CDH4: variants seen among roughly 807,000 people sequenced by gnomAD.
CDH4 encodes cadherin 4.
CDH4 carries 33 observed loss-of-function variants against 86.0 expected under a neutral mutation model. The ratio of observed to expected loss-of-function variants is 0.38; its 90% CI spans 0.29 to 0.51. The LOEUF is 0.51. CDH4 is among the 20% of genes least tolerant of loss of function. The pLI is 0.86. For synonymous variants in CDH4, 555 were observed against 549.4 expected (o/e 1.01, Z -0.14); for missense variants, 1,114 against 1,307.4 (o/e 0.85, Z 2.28).
At chr20:61,778,297 T>C (rs1313579124) in intron 4 of CDH4, among the ~76,000 whole-genome samples, 1 of 152,146 alleles carries the variant, frequency 6.6e-6, no homozygotes, top group East Asian at 1.9e-4. Context: ...CGCTTTGAGG[T>C]TCAGCTGGGA....
chr20:61,281,887 TC>T, intron 2 of CDH4, among the ~76,000 whole-genome samples: 1 of 152,306 alleles, frequency 6.6e-6, no homozygotes, highest in South Asian at 2.1e-4. Context: ...AGTTAGCAAG[TC>T]CTGGCCATGA....
chr20:61,418,360 G>A (rs375829566), intron 2 of CDH4, among the ~76,000 whole-genome samples: 10 of 151,968 alleles, frequency 6.6e-5, no homozygotes, highest in South Asian at 6.3e-4. Context: ...ACAGGCTCCC[G>A]CCACCACACC....
At chr20:61,776,175 G>A (rs7265410) in intron 4 of CDH4, among the ~76,000 whole-genome samples, 16 of 152,050 alleles carry the variant, frequency 1.1e-4, no homozygotes, top group Admixed American at 7.2e-4. Flanking sequence ...CCCACCTTAC[G>A]CCACATCTGA....
intron 2 of CDH4, among the ~76,000 whole-genome samples, chr20:61,618,656 A>T (rs6089436): frequency 0.14 from 21,425 of 152,264 alleles, 2,011 homozygotes; most frequent in Non-Finnish European, 0.22. Flanking sequence ...GGTGCTGGGC[A>T]GATGGATCTC....
chr20:61,522,242 CG>C (rs757656865), intron 2 of CDH4, among the ~76,000 whole-genome samples: 12 of 152,160 alleles, frequency 7.9e-5, no homozygotes, highest in Non-Finnish European at 4.4e-5. Context: ...AGCTTAGCCC[CG>C]GACCCAGTGG....
intron 15 of CDH4, among the ~76,000 whole-genome samples, chr20:61,935,467 C>CTGTT (rs201843984): frequency 0.012 from 1,792 of 152,350 alleles, 34 homozygotes; most frequent in African/African-American, 0.039. Flanking sequence ...TTAGAGCCCA[C>CTGTT]TGTTTGTTAG....
At chr20:61,853,152 G>A (rs554780287) in intron 6 of CDH4, among the ~76,000 whole-genome samples, 15 of 152,282 alleles carry the variant, frequency 9.9e-5, no homozygotes, top group African/African-American at 2.9e-4. Context: ...AAGAAAACCC[G>A]GGCACTGGGA....
chr20:61,404,849 G>A (rs975471618), intron 2 of CDH4, among the ~76,000 whole-genome samples: 1 of 151,966 alleles, frequency 6.6e-6, no homozygotes, highest in Non-Finnish European at 1.5e-5. Context: ...AGGAGATCAA[G>A]AACATCCTGG....
chr20:61,528,850 A>AT (rs11476710), intron 2 of CDH4, among the ~76,000 whole-genome samples: 21,730 of 142,536 alleles, frequency 0.15, 1,965 homozygotes, highest in East Asian at 0.39. Context: ...GATGATCTTG[A>AT]TTTTTTTTTT....
chr20:61,494,011 G>A (rs2085642493), intron 2 of CDH4, among the ~76,000 whole-genome samples: 1 of 152,180 alleles, frequency 6.6e-6, no homozygotes, highest in South Asian at 2.1e-4. Flanking sequence ...TGTTGTGACA[G>A]CTCAGCAGCC....
chr20:61,690,641 C>T (rs188157769), intron 2 of CDH4, among the ~76,000 whole-genome samples: 475 of 152,078 alleles, frequency 3.1e-3, no homozygotes, highest in Middle Eastern at 6.8e-3. Context: ...CTTTGGAGGA[C>T]GGGGGGAGTT....
intron 10 of CDH4, 104 bp from the exon 11 acceptor site, chr20:61,924,230 T>TGGCCCA (rs1454567416): frequency 1.3e-5 from 15 of 1,180,354 alleles, no homozygotes; most frequent in African/African-American, 3.0e-5. Context: ...ACAGAGACAC[T>TGGCCCA]GGCCCAGGCC....
chr20:61,586,002 G>T (rs148586274), intron 2 of CDH4, among the ~76,000 whole-genome samples: 1 of 151,434 alleles, frequency 6.6e-6, no homozygotes, highest in African/African-American at 2.4e-5. Flanking sequence ...TGATGATGAT[G>T]GTGATGGTGA....
At chr20:61,311,011 A>G (rs1600855826) in intron 2 of CDH4, among the ~76,000 whole-genome samples, 1 of 152,148 alleles carries the variant, frequency 6.6e-6, no homozygotes, top group East Asian at 1.9e-4. Context: ...AACGCTTCCC[A>G]AGGTGTCCCC....
At position 61,507,686 on chromosome 20, in the gene CDH4, T is replaced by G. The variant is rs116574685; in HGVS notation, c.170-235877T>G. On this transcript the variant is annotated intron_variant, in intron 2 of 15. Transcript: ENST00000614565. Reference sequence around the variant, plus strand: ...CTGAGCAACCGTCACAGCCAAGAGGTGTTTAAGGACACATGATGACTCCAT... The same window carrying G: ...CTGAGCAACCGTCACAGCCAAGAGGGGTTTAAGGACACATGATGACTCCAT... Among the ~76,000 whole-genome samples the G allele has an allele frequency of 2.2e-3, 336 of 151,908 alleles. 3 individuals are homozygous for G. The highest frequency in any genetic ancestry group is 7.6e-3 in the African/African-American group (314 of 41,404).
At chr20:61,660,456 C>A (rs993556749) in intron 2 of CDH4, among the ~76,000 whole-genome samples, 1 of 152,234 alleles carries the variant, frequency 6.6e-6, no homozygotes, top group Admixed American at 6.5e-5. Context: ...CGCCGGGACT[C>A]GCTTGCACCT....
intron 2 of CDH4, among the ~76,000 whole-genome samples, chr20:61,545,675 C>T (rs903963527): frequency 1.3e-5 from 2 of 152,210 alleles, no homozygotes; most frequent in African/African-American, 4.8e-5. Flanking sequence ...GAGGCTTTGG[C>T]AACTGGTGCC....
Position 61,928,181 on chromosome 20 carries a change from G to A in CDH4, c.1772-9G>A, listed in dbSNP as rs751903651. 12 of 1,595,674 alleles carry A rather than the reference G, an allele frequency of 7.5e-6. No individual in the cohort carries two copies. Among genetic ancestry groups the A allele is most frequent in the African/African-American group, 1.3e-5 (1 of 74,852 alleles). On this transcript the variant is annotated splice_polypyrimidine_tract_variant and intron_variant, in intron 11 of 15. Coordinates refer to ENST00000614565, the MANE Select transcript of CDH4 (RefSeq NM_001794.5). ...GTGGCCCGTGTGGTGACCTGTGTCT[G>A]TTCCACAGGGATACCCCCGGCCAGC...
At chr20:61,300,687 G>T (rs139081477) in intron 2 of CDH4, among the ~76,000 whole-genome samples, 2 of 152,180 alleles carry the variant, frequency 1.3e-5, no homozygotes, top group East Asian at 1.9e-4. Context: ...CCCACACCCA[G>T]CCTTCCTGCT....
Sources: gnomAD v4.1 joint callset for allele counts (sites outside exome capture counted in the v4.1 genomes callset) on GRCh38, gnomAD v4.1.1 for gene constraint, MANE v1.5 for transcripts, NCBI Gene and HGNC (gene_info 2026-07-23, HGNC 2026-07-21) for gene names.